Variants in PAPOLG observed in about 807,000 individuals in gnomAD.
PAPOLG encodes the protein PAP-gamma.
PAPOLG carries 40 observed loss-of-function variants against 99.0 expected under a neutral mutation model. The ratio of observed to expected loss-of-function variants is 0.40; its 90% confidence interval spans 0.31 to 0.53. The LOEUF is 0.53. Ranked by LOEUF, PAPOLG falls within the 20% of genes least tolerant of loss-of-function variation. The probability of loss-of-function intolerance (pLI) is 0.41; values close to 1 mark genes in which losing one functional copy is unlikely to be tolerated. For synonymous variants in PAPOLG, 310 were observed against 299.3 expected, an observed-to-expected ratio of 1.04 and a Z score of -0.37; for missense variants, 675 against 884.1, an observed-to-expected ratio of 0.76 and a Z score of 3.00.
intron 3 of PAPOLG, among the ~76,000 whole-genome samples, chr2:60,766,245 A>G (rs1341687096): frequency 1.3e-5 from 2 of 152,230 alleles, no homozygotes; most frequent in Non-Finnish European, 2.9e-5. Context: ...ATAGCAAAAA[A>G]GAATTTAAGA....
At chr2:60,762,426 G>C (rs1449069815) in intron 3 of PAPOLG, among the ~76,000 whole-genome samples, 1 of 151,980 alleles carries the variant, frequency 6.6e-6, no homozygotes. Flanking sequence ...CCGGGGGATT[G>C]GTTCTGGGAC....
intron 7 of PAPOLG, 35 bp from the exon 8 acceptor site, chr2:60,774,999 T>C (rs113202888): frequency 3.1e-6 from 5 of 1,610,650 alleles, no homozygotes; most frequent in Non-Finnish European, 3.4e-6. Flanking sequence ...GAGAATTTGC[T>C]GCATAGTGAA....
intron 3 of PAPOLG, among the ~76,000 whole-genome samples, chr2:60,762,951 TA>T (rs144599410): frequency 6.7e-4 from 100 of 150,254 alleles, no homozygotes; most frequent in African/African-American, 6.8e-4. Flanking sequence ...TATTTTATTT[TA>T]TTTTTTTTTG....
rs2103814059 is a variant in PAPOLG, at chr2:60,787,583, A to G, written c.1359A>G (p.Ile453Met). The stretch of plus-strand genomic sequence containing the variant: ...TAGAAAATGCAGAAAGTGTCAACAT[A>G]GACTTGACATATGATATACAGTCAT... ...RRVENAESVN[I>M]DLTYDIQSFT... The change falls in exon 15 of 22, where the codon ATA becomes ATG. Residue 453 changes from isoleucine to methionine, a missense_variant. By Grantham distance (10) the Ile-to-Met change is conservative. Coordinates refer to ENST00000238714, the MANE Select transcript of PAPOLG (RefSeq NM_022894.4). 3 of 1,614,156 alleles carry G rather than the reference A, an allele frequency of 1.9e-6. No individual in the cohort carries two copies. The highest frequency in any genetic ancestry group is 2.5e-6 in the Non-Finnish European group (3 of 1,179,996).
rs113966945 is a variant in PAPOLG, at chr2:60,792,170, A to G, written c.1560A>G (p.Gln520=). Residue 520 remains glutamine (Q), a synonymous_variant, in exon 17 of 22, where the codon CAA becomes CAG. Coordinates refer to ENST00000238714, the MANE Select transcript of PAPOLG (RefSeq NM_022894.4). ...TCAATCGAAGCTCGGGCGGACTTCA[A>G]TCCAAAAGATTGTCTCTGGATAGCA... ...SDVNRSSGGL[Q]SKRLSLDSSC... 317 of 1,598,744 alleles carry G rather than the reference A, an allele frequency of 2.0e-4. 3 individuals carry two copies. The African/African-American group carries it at 3.4e-3, about 17-fold the overall frequency.
At chr2:60,775,151 C>T in intron 8 of PAPOLG, 28 bp downstream of exon 8, 1 of 1,582,536 alleles carries the variant, frequency 6.3e-7, no homozygotes, top group Non-Finnish European at 8.5e-7. Context: ...TTTATGTTTG[C>T]ATTATAAAAT....
chr2:60,798,308 T>G lies in PAPOLG; in HGVS notation c.*1148T>G, dbSNP rs1005355353. 6.5e-6 allele frequency: 1 copy of G among 152,798 alleles called. No homozygotes were observed. Among genetic ancestry groups the G allele is most frequent in the African/African-American group, 2.4e-5 (1 of 41,462 alleles). 9.5% of individuals were successfully genotyped at this position (152,798 alleles called of 1,614,324 possible). On this transcript the variant is annotated 3_prime_UTR_variant, in exon 22 of 22. Transcript: ENST00000238714. ...TTTCAATGCATTTCTTAATATTTTT[T>G]AAGTTTCATGAATGCATGCTCAGTT...
intron 13 of PAPOLG, among the ~76,000 whole-genome samples, chr2:60,786,232 A>T (rs1671358226): frequency 6.6e-6 from 1 of 151,766 alleles, no homozygotes; most frequent in South Asian, 2.1e-4. Flanking sequence ...TTTTTATTTT[A>T]TTTATTTATT....
intron 4 of PAPOLG, 74 bp from the exon 5 acceptor site, chr2:60,768,707 A>C (rs184498438): frequency 1.4e-6 from 2 of 1,391,274 alleles, no homozygotes; most frequent in Admixed American, 5.0e-5. Flanking sequence ...TCTTCTGTAC[A>C]TATGTTTGTG....
At position 60,784,145 on chromosome 2, in the gene PAPOLG, G is replaced by A. The variant is rs532234466; in HGVS notation, c.1166+936G>A. ...CCACCACCACGCCCAGCTAATTTTT[G>A]TACTTTTAGTAGAGACGGGGTTTCA... On this transcript the variant is annotated intron_variant, in intron 13 of 21. Coordinates refer to ENST00000238714, the MANE Select transcript of PAPOLG (RefSeq NM_022894.4). Among the ~76,000 whole-genome samples the A allele has an allele frequency of 1.5e-4, 23 of 152,120 alleles. No individual in the cohort carries two copies. In the South Asian group the frequency reaches 4.6e-3, roughly 30 times the overall value.
chr2:60,775,347 T>C (rs1670984942), intron 8 of PAPOLG, among the ~76,000 whole-genome samples: 1 of 152,234 alleles, frequency 6.6e-6, no homozygotes, highest in Non-Finnish European at 1.5e-5. Context: ...TGACTTTTCA[T>C]CTTAGGTTCA....
chr2:60,774,247 G>GT (rs1379358238), intron 7 of PAPOLG, among the ~76,000 whole-genome samples: 5 of 150,836 alleles, frequency 3.3e-5, no homozygotes, highest in Non-Finnish European at 5.9e-5. Context: ...TTTATCCACT[G>GT]TTTCTTTTGC....
At chr2:60,790,533 G>A (rs1018627245) in intron 15 of PAPOLG, among the ~76,000 whole-genome samples, 3 of 152,110 alleles carry the variant, frequency 2.0e-5, no homozygotes, top group Non-Finnish European at 1.5e-5. Context: ...AAAACATTAA[G>A]ACATTTGTGT....
At chr2:60,776,467 G>A (rs376198397) in intron 8 of PAPOLG, among the ~76,000 whole-genome samples, 9 of 121,192 alleles carry the variant, frequency 7.4e-5, no homozygotes, top group Admixed American at 1.1e-4. Context: ...TCACTGTCTC[G>A]CCCAGGCTGG....
chr2:60,768,812 A>C lies in PAPOLG; in HGVS notation c.360A>C (p.Pro120=). ...ACATTGATGCACTTTGTGTAGCTCC[A>C]AGACATGTGGAAAGATCTGATTTTT... ...GADIDALCVA[P]RHVERSDFFQ... is the part of the protein sequence containing the mutation. The change falls in exon 5 of 22, where the codon CCA becomes CCC. Residue 120 remains proline (P), a synonymous_variant. Coordinates refer to ENST00000238714, the MANE Select transcript of PAPOLG (RefSeq NM_022894.4). 1 of 1,594,832 alleles carries C rather than the reference A, an allele frequency of 6.3e-7. No homozygotes were observed. Among genetic ancestry groups the C allele is most frequent in the Non-Finnish European group, 8.6e-7 (1 of 1,168,676 alleles).
chr2:60,794,053 A>T lies in PAPOLG; in HGVS notation c.1851A>T (p.Arg617Ser). Reference sequence around the variant, plus strand: ...TAGTAGGACGAAATGTCATTCCTAGAATCACAACACCTCACAACCCTGCCC... The same window carrying T: ...TAGTAGGACGAAATGTCATTCCTAGTATCACAACACCTCACAACCCTGCCC... ...PTVVGRNVIP[R>S]ITTPHNPAQG... The change falls in exon 19 of 22, where the codon AGA (arginine) becomes AGT (serine). Residue 617 changes from arginine (R) to serine (S), a missense_variant. Arg to Ser is a moderately radical substitution (Grantham distance 110). Transcript: ENST00000238714. 1 of 1,614,184 alleles carries T rather than the reference A, an allele frequency of 6.2e-7. No individual in the cohort carries two copies.
intron 5 of PAPOLG, among the ~76,000 whole-genome samples, chr2:60,769,945 A>G (rs11125854): frequency 0.12 from 17,162 of 148,558 alleles, 981 homozygotes; most frequent in Middle Eastern, 0.14. Flanking sequence ...ACAGGCCCCA[A>G]TGTGTGATGT....
At chr2:60,780,634 CTAATAATTA>C (rs1558699845) in intron 9 of PAPOLG, 64 bp from the exon 10 acceptor site, 1 of 1,458,094 alleles carries the variant, frequency 6.9e-7, no homozygotes, top group Non-Finnish European at 9.6e-7. Flanking sequence ...TTAGAACAAT[CTAATAATTA>C]TAAAGTTTCA....
At chr2:60,783,798 A>G (rs1053952470) in intron 13 of PAPOLG, among the ~76,000 whole-genome samples, 1 of 151,882 alleles carries the variant, frequency 6.6e-6, no homozygotes, top group African/African-American at 2.4e-5. Context: ...GTGCATGACC[A>G]TGGAGCTTCA....
Sources: allele counts gnomAD v4.1 joint callset (sites outside exome capture counted in the v4.1 genomes callset), GRCh38; gene constraint gnomAD v4.1.1; transcripts MANE v1.5; gene names NCBI Gene and HGNC (gene_info 2026-07-23, HGNC 2026-07-21).